Variants in PTPN21 observed in about 807,000 individuals in gnomAD.
PTPN21 encodes the protein tyrosine-protein phosphatase non-receptor type 21.
In PTPN21, 77 loss-of-function variants were observed where a neutral mutation model predicts 131.8. That is an observed-to-expected ratio of 0.58 (90% CI 0.49 to 0.71). PTPN21 has a LOEUF of 0.71. Ranked by LOEUF, PTPN21 falls within the 30% of genes least tolerant of loss-of-function variation. The pLI is 0.00. For synonymous variants in PTPN21, 715 were observed against 621.3 expected (o/e 1.15, Z -2.24); for missense variants, 1,552 against 1,527.1 (o/e 1.02, Z -0.27).
rs6145435 is a variant in PTPN21 at position 88,517,652 on chromosome 14, G to GTATATATACAGGTGTATATATACATA, written c.181-392_181-391insTATGTATATATACACCTGTATATATA. Among the ~76,000 whole-genome samples the GTATATATACAGGTGTATATATACATA allele has an allele frequency of 5.7e-5, 8 of 139,234 alleles. No homozygotes were observed. In the East Asian group the frequency reaches 7.2e-4, roughly 13 times the overall value. 91.3% of individuals were successfully genotyped at this position (139,234 alleles called of 152,430 possible). A position where few individuals can be genotyped will look rare whatever the true frequency, so the allele number is the denominator to read the frequency against. On this transcript the variant is annotated intron_variant, in intron 2 of 18. Transcript: ENST00000556564. ...AAAACACTAAATTTATCATATATAT[G>GTATATATACAGGTGTATATATACATA]TATATATACACATACACACACATAT...
intron 5 of PTPN21, 74 bp from the exon 6 acceptor site, chr14:88,504,569 G>A: frequency 1.6e-6 from 2 of 1,244,374 alleles, no homozygotes; most frequent in Non-Finnish European, 2.4e-6. Flanking sequence ...GCCATTGACT[G>A]TTAATGACTC....
In PTPN21 at chr14:88,494,474, T is replaced by C. The variant is rs572827856; in HGVS notation, c.932+1939A>G. ...CTAAAGTCCAGAAGTTTGAGACCGG[T>C]GTGGGTAACATAAGGAGATCCTGCC... is the stretch of plus-strand genomic sequence containing the variant. On this transcript the variant is annotated intron_variant, in intron 10 of 18. Coordinates refer to ENST00000556564, the MANE Select transcript of PTPN21 (RefSeq NM_007039.4). Among the ~76,000 whole-genome samples, 55 of 151,554 alleles carry C rather than the reference T, an allele frequency of 3.6e-4. No homozygotes were observed. In the South Asian group the frequency reaches 7.7e-3, roughly 21 times the overall value.
rs1449295815 is a variant in PTPN21, at chr14:88,522,947, C to CT, written c.181-5687_181-5686insA. 6.0e-4 allele frequency among the ~76,000 whole-genome samples: 7 copies of CT among 11,628 alleles called. No individual in the cohort carries two copies. In the South Asian group the frequency reaches 0.033, roughly 55 times the overall value. 7.6% of individuals were successfully genotyped at this position (11,628 alleles called of 152,430 possible). On this transcript the variant is annotated intron_variant, in intron 2 of 18. Coordinates refer to ENST00000556564, the MANE Select transcript of PTPN21 (RefSeq NM_007039.4). ...GGCAAAGATTTTTCCTGGGTAAGAC[C>CT]ATTTTTTTTTTTGGCTCGTCTTGAA...
Position 88,469,875 on chromosome 14 carries a change from T to A in PTPN21, c.3000+47A>T. 6.2e-7 allele frequency: 1 copy of A among 1,612,172 alleles called. No individual in the cohort carries two copies. On this transcript the variant is annotated intron_variant, in intron 16 of 18. Coordinates refer to ENST00000556564, the MANE Select transcript of PTPN21 (RefSeq NM_007039.4). The surrounding 1 kb of genome is among the most constrained non-coding windows in gnomAD (Gnocchi z 4.3). ...AGGATTCCAGATGATTAACATTAAC[T>A]GTTCTTCAGAGGCTGAGAAAATCAC...
At position 88,473,734 on chromosome 14, in the gene PTPN21, G is replaced by A. The variant is rs188074629; in HGVS notation, c.2580C>T (p.Leu860=). The change falls in exon 14 of 19, where the codon CTC becomes CTT. Residue 860 remains leucine (L), a synonymous_variant. Coordinates refer to ENST00000556564, the MANE Select transcript of PTPN21 (RefSeq NM_007039.4). ...GPLKLAALNG[L]SLSRVPLPDE... Reference sequence around the variant, plus strand: ...CAGGCAGAGGCACTCGAGATAGGGAGAGTCCATTTAGGGCAGCCAGTTTAA... The same window carrying A: ...CAGGCAGAGGCACTCGAGATAGGGAAAGTCCATTTAGGGCAGCCAGTTTAA... 62 of 1,611,434 alleles carry A rather than the reference G, an allele frequency of 3.8e-5. 1 individual carries two copies. The South Asian group carries it at 5.4e-4, about 14-fold the overall frequency.
chr14:88,522,173 T>G (rs1461783115), intron 2 of PTPN21, among the ~76,000 whole-genome samples: 3 of 151,798 alleles, frequency 2.0e-5, no homozygotes, highest in African/African-American at 7.3e-5. Flanking sequence ...GTGCCTGTAA[T>G]CCCAGCACTT....
At chr14:88,530,783 ACAAAACAATTACTACTAGAC>A (rs2078545754) in intron 2 of PTPN21, among the ~76,000 whole-genome samples, 1 of 152,198 alleles carries the variant, frequency 6.6e-6, no homozygotes, top group African/African-American at 2.4e-5. Flanking sequence ...TCCCAAATTT[ACAAAACAATTACTACTAGAC>A]CAAAAAAATG....
chr14:88,493,178 TA>T (rs1260412773), intron 10 of PTPN21: 2 of 425,906 alleles, frequency 4.7e-6, no homozygotes, highest in African/African-American at 4.1e-5. Context: ...TTAAAGAAAA[TA>T]AAAGCTCTCA....
intron 15 of PTPN21, 145 bp from the exon 16 acceptor site, chr14:88,470,195 G>A (rs969481203): frequency 2.8e-6 from 2 of 714,044 alleles, no homozygotes; most frequent in Admixed American, 3.0e-5. Context: ...AGCAGAATAA[G>A]GAAAGACTTT....
At chr14:88,518,246 A>T (rs1595392422) in intron 2 of PTPN21, among the ~76,000 whole-genome samples, 4 of 78,462 alleles carry the variant, frequency 5.1e-5, no homozygotes, top group African/African-American at 1.8e-4. Context: ...AAAAAAAAAA[A>T]AAAAAAAAAA....
chr14:88,474,314 C>T (rs552540340), intron 13 of PTPN21, among the ~76,000 whole-genome samples: 2 of 151,944 alleles, frequency 1.3e-5, no homozygotes, highest in African/African-American at 4.8e-5. Context: ...CTGAACCTCC[C>T]GAGTACCTGG....
chr14:88,518,245 A>T (rs1224052520), intron 2 of PTPN21, among the ~76,000 whole-genome samples: 5 of 78,690 alleles, frequency 6.4e-5, no homozygotes, highest in African/African-American at 2.4e-4. Flanking sequence ...AAAAAAAAAA[A>T]AAAAAAAAAA....
At chr14:88,548,041 A>G (rs1012240430) in intron 2 of PTPN21, among the ~76,000 whole-genome samples, 2 of 152,088 alleles carry the variant, frequency 1.3e-5, no homozygotes, top group African/African-American at 4.8e-5. Context: ...CCTCTCTGTT[A>G]TAGCCCCACC....
chr14:88,506,629 T>G (rs753114386), intron 4 of PTPN21, among the ~76,000 whole-genome samples: 1 of 152,064 alleles, frequency 6.6e-6, no homozygotes, highest in Non-Finnish European at 1.5e-5. Flanking sequence ...GGACAACCAT[T>G]TAAGAAACCA....
intron 2 of PTPN21, among the ~76,000 whole-genome samples, chr14:88,532,434 A>T (rs1244955288): frequency 6.6e-6 from 1 of 152,232 alleles, no homozygotes; most frequent in Non-Finnish European, 1.5e-5. Flanking sequence ...ATTTTCTAAT[A>T]TCTATACTTA....
rs776881264 is a variant in PTPN21, at chr14:88,479,394, G to C, written c.2037C>G (p.Thr679=). The change falls in exon 13 of 19, where the codon ACC becomes ACG. Residue 679 remains threonine (T), a synonymous_variant. Coordinates refer to ENST00000556564, the MANE Select transcript of PTPN21 (RefSeq NM_007039.4). ...VSVGSQPSVF[T]ERTQREGPEE... ...CCGGCCCTTCTCGCTGTGTCCTCTC[G>C]GTGAAAACGCTGGGCTGGGAGCCCA... is the stretch of plus-strand genomic sequence containing the variant. 3.1e-6 allele frequency: 5 copies of C among 1,605,114 alleles called. No homozygotes were observed. The highest frequency in any genetic ancestry group is 2.5e-6 in the Non-Finnish European group (3 of 1,179,140).
rs758525692 is a variant in PTPN21, at chr14:88,508,024, T to TA, written c.351-5dup. 5 of 1,521,362 alleles carry TA rather than the reference T, an allele frequency of 3.3e-6. No individual in the cohort carries two copies. The highest frequency in any genetic ancestry group is 4.5e-6 in the Non-Finnish European group (5 of 1,103,988). The allele number at this position is 1,521,362 out of a possible 1,614,324, so 94.2% of individuals were successfully genotyped here. A position where few individuals can be genotyped will look rare whatever the true frequency, so the allele number is the denominator to read the frequency against. On this transcript the variant is annotated splice_region_variant and splice_polypyrimidine_tract_variant and intron_variant, in intron 3 of 18. Transcript: ENST00000556564. ...CAGTTGCAGATAATACTGATACCTA[T>TA]AAAAAATGTCAGTTGTATAAGGTCA...
chr14:88,515,381 A>G (rs2078252617), intron 3 of PTPN21: 2 of 152,150 alleles, frequency 1.3e-5, no homozygotes. Flanking sequence ...TGGCACAGGT[A>G]TTCCTAAACT....
intron 2 of PTPN21, among the ~76,000 whole-genome samples, chr14:88,531,456 T>A (rs937195799): frequency 6.6e-6 from 1 of 151,264 alleles, no homozygotes; most frequent in Non-Finnish European, 1.5e-5. Flanking sequence ...ACTCGGGAGG[T>A]TGAGGCAGGA....
Sources: gnomAD v4.1 joint callset for allele counts (sites outside exome capture counted in the v4.1 genomes callset) on GRCh38, gnomAD v4.1.1 for gene constraint, Gnocchi (gnomAD v3.1) non-coding constraint, MANE v1.5 for transcripts, NCBI Gene and HGNC (gene_info 2026-07-23, HGNC 2026-07-21) for gene names.